DPP6: variants seen among roughly 807,000 people sequenced by gnomAD.
DPP6 encodes the protein A-type potassium channel modulatory protein DPP6.
In DPP6, 69 loss-of-function variants were observed where a neutral mutation model predicts 122.6. The observed-to-expected ratio is 0.56, with a 90% CI of 0.46 to 0.69. The LOEUF (loss-of-function observed/expected upper bound fraction) is 0.69, where lower values mean the gene tolerates loss of function less well. Among genes scored for constraint, DPP6 ranks in the 30% least tolerant of loss-of-function variants. The pLI is 0.00. For missense variants in DPP6, 928 were observed against 1,116.9 expected (o/e 0.83, Z 2.41); for synonymous variants, 418 against 433.1 (o/e 0.97, Z 0.43).
chr7:154,836,531 G>A (rs1043596838), intron 16 of DPP6, among the ~76,000 whole-genome samples: 1 of 152,168 alleles, frequency 6.6e-6, no homozygotes, highest in African/African-American at 2.4e-5. Context: ...CCTCTCCACA[G>A]AGCATTCATT....
chr7:154,028,585 T>A (rs1448497130), intron 1 of DPP6, among the ~76,000 whole-genome samples: 1 of 151,862 alleles, frequency 6.6e-6, no homozygotes, highest in South Asian at 2.1e-4. Context: ...CTTGCCCACA[T>A]CTTCTCATCT....
At chr7:154,042,245 G>C (rs1028877274) in intron 1 of DPP6, among the ~76,000 whole-genome samples, 1 of 152,104 alleles carries the variant, frequency 6.6e-6, no homozygotes, top group Non-Finnish European at 1.5e-5. Context: ...TTTTATTTCT[G>C]CTTCATCAAG....
intron 10 of DPP6, among the ~76,000 whole-genome samples, chr7:154,777,434 G>A (rs1212341640): frequency 6.6e-6 from 1 of 152,160 alleles, no homozygotes; most frequent in African/African-American, 2.4e-5. Context: ...AGGGACCCAG[G>A]CCTTGTTAAG....
intron 6 of DPP6, among the ~76,000 whole-genome samples, chr7:154,665,738 A>G (rs1455801583): frequency 6.6e-6 from 1 of 152,064 alleles, no homozygotes; most frequent in African/African-American, 2.4e-5. Context: ...GGACACACAC[A>G]TATCTATATT....
At chr7:153,849,007 T>C in the DPP6 span, among the ~76,000 whole-genome samples, 4 of 152,234 alleles carry the variant, frequency 2.6e-5, no homozygotes, top group Non-Finnish European at 5.9e-5. Context: ...TGATGGTTTA[T>C]GTCTTTATGT....
At chr7:154,839,478 C>A (rs116833431) in intron 16 of DPP6, among the ~76,000 whole-genome samples, 5 of 152,326 alleles carry the variant, frequency 3.3e-5, no homozygotes, top group African/African-American at 1.2e-4. Flanking sequence ...CCTGTTTATT[C>A]CTCTGTGAAA....
At chr7:154,080,866 C>T (rs1803946278) in intron 1 of DPP6, among the ~76,000 whole-genome samples, 1 of 152,078 alleles carries the variant, frequency 6.6e-6, no homozygotes, top group Non-Finnish European at 1.5e-5. Context: ...CTGGGATTGG[C>T]CATCCCCTCA....
chr7:153,831,168 A>G, the DPP6 span, among the ~76,000 whole-genome samples: 2 of 152,224 alleles, frequency 1.3e-5, no homozygotes, highest in African/African-American at 2.4e-5. Flanking sequence ...CATTTATGTA[A>G]TAGATGTCTA....
intron 1 of DPP6, among the ~76,000 whole-genome samples, chr7:154,209,347 A>C (rs1799616594): frequency 6.6e-6 from 1 of 152,182 alleles, no homozygotes; most frequent in Non-Finnish European, 1.5e-5. Flanking sequence ...ATGTTGAAGC[A>C]GGTTTTATTT....
chr7:153,814,988 C>T, the DPP6 span, among the ~76,000 whole-genome samples: 1 of 152,026 alleles, frequency 6.6e-6, no homozygotes, highest in Non-Finnish European at 1.5e-5. Context: ...TATGACAAAC[C>T]CACAGCCAGT....
chr7:154,798,451 A>G (rs1798169167), intron 12 of DPP6, among the ~76,000 whole-genome samples: 1 of 152,254 alleles, frequency 6.6e-6, no homozygotes, highest in Admixed American at 6.5e-5. Flanking sequence ...AATTAAAATA[A>G]TTCTTACTGT....
At chr7:154,487,194 T>G (rs1024624418) in intron 3 of DPP6, among the ~76,000 whole-genome samples, 2 of 152,230 alleles carry the variant, frequency 1.3e-5, no homozygotes, top group Admixed American at 6.5e-5. Context: ...TGTATATACG[T>G]GTATACGTAC....
rs558145219 is a variant in DPP6, at chr7:154,662,236, C to T, written c.681-7124C>T. Among the ~76,000 whole-genome samples the T allele has an allele frequency of 1.1e-3, 171 of 151,486 alleles. 1 individual carries two copies. Among genetic ancestry groups the T allele is most frequent in the African/African-American group, 3.6e-3 (149 of 41,224 alleles). ...CGTTCACGCAGTCATGGTGAATCAC[C>T]ATGGCGTATTAGCCATAGTGTTCAT... On this transcript the variant is annotated intron_variant, in intron 6 of 25. Coordinates refer to ENST00000377770, the MANE Select transcript of DPP6 (RefSeq NM_130797.4).
chr7:154,651,750 G>T (rs568988837), intron 6 of DPP6, among the ~76,000 whole-genome samples: 1 of 152,194 alleles, frequency 6.6e-6, no homozygotes, highest in Non-Finnish European at 1.5e-5. Context: ...GAAAGGGAAA[G>T]GATGAGATGG....
the DPP6 span, among the ~76,000 whole-genome samples, chr7:153,870,889 G>A: frequency 6.6e-6 from 1 of 152,222 alleles, no homozygotes; most frequent in Non-Finnish European, 1.5e-5. Flanking sequence ...TCAGCTGCAG[G>A]TCTGTTGGAG....
intron 16 of DPP6, among the ~76,000 whole-genome samples, chr7:154,824,012 A>C (rs1432631244): frequency 6.6e-6 from 1 of 152,214 alleles, no homozygotes; most frequent in African/African-American, 2.4e-5. Context: ...TGAATTACCC[A>C]TTTTGAAAAG....
chr7:154,334,981 C>T (rs553130812), intron 1 of DPP6, among the ~76,000 whole-genome samples: 40 of 152,274 alleles, frequency 2.6e-4, no homozygotes, highest in African/African-American at 9.6e-4. Context: ...AAGCATTGTG[C>T]CAAGTTTGTA....
At chr7:154,016,404 T>A (rs1312905012) in intron 1 of DPP6, among the ~76,000 whole-genome samples, 2 of 151,948 alleles carry the variant, frequency 1.3e-5, no homozygotes, top group South Asian at 4.1e-4. Context: ...GGTTTATTTT[T>A]TTTTTTTTTC....
rs1227113207 is a variant in DPP6 at position 154,624,542 on chromosome 7, G to A, written c.628-13279G>A. Reference sequence around the variant, plus strand: ...GAGTACTTAGGAGCACAGTGGGAGGGTGAGATGTCAGGGCTCAGCATCTGC... The same window carrying A: ...GAGTACTTAGGAGCACAGTGGGAGGATGAGATGTCAGGGCTCAGCATCTGC... On this transcript the variant is annotated intron_variant, in intron 5 of 25. Transcript: ENST00000377770. The surrounding 1 kb of genome is among the most constrained non-coding windows in gnomAD (Gnocchi z 4.7). 6.6e-6 allele frequency among the ~76,000 whole-genome samples: 1 copy of A among 152,138 alleles called. No individual in the cohort carries two copies. Among genetic ancestry groups the A allele is most frequent in the African/African-American group, 2.4e-5 (1 of 41,414 alleles).
Sources: gnomAD v4.1 joint callset for allele counts (sites outside exome capture counted in the v4.1 genomes callset) on GRCh38, gnomAD v4.1.1 for gene constraint, Gnocchi (gnomAD v3.1) non-coding constraint, MANE v1.5 for transcripts, NCBI Gene and HGNC (gene_info 2026-07-23, HGNC 2026-07-21) for gene names.